ABCC12: variants seen among roughly 807,000 people sequenced by gnomAD.
ABCC12 encodes the protein ATP-binding cassette sub-family C member 12.
A neutral mutation model predicts 151.1 loss-of-function variants in ABCC12; 142 were observed. The ratio of observed to expected loss-of-function variants is 0.94; its 90% CI spans 0.82 to 1.08. ABCC12 has a LOEUF of 1.08. ABCC12 is among the 50% of genes least tolerant of loss of function. ABCC12 has a pLI of 0.00. For synonymous variants in ABCC12, 645 were observed against 646.4 expected (o/e 1.00, Z 0.03); for missense variants, 1,638 against 1,691.1 (o/e 0.97, Z 0.55).
chr16:48,087,908 A>G lies in ABCC12; in HGVS notation c.3635+18T>C, dbSNP rs765795945. 27 of 1,601,990 alleles carry G rather than the reference A, an allele frequency of 1.7e-5. No individual in the cohort carries two copies. The highest frequency in any genetic ancestry group is 1.7e-4 in the Middle Eastern group (1 of 6,016). ...CACTCTCCAAAAATAGAAATGCACAATGATTAAAAACAGCTACCTTACTGT... is the reference window on the plus strand; with the variant it reads ...CACTCTCCAAAAATAGAAATGCACAGTGATTAAAAACAGCTACCTTACTGT... On this transcript the variant is annotated intron_variant, in intron 27 of 30. Transcript: ENST00000311303.
At chr16:48,088,205 T>A in intron 26 of ABCC12, 120 bp from the exon 27 acceptor site, 1 of 1,230,510 alleles carries the variant, frequency 8.1e-7, no homozygotes, top group Non-Finnish European at 1.1e-6. Flanking sequence ...GATGACAGTG[T>A]AGACAGAAAG....
In ABCC12 at chr16:48,094,949, C is replaced by T. The variant is rs537350278; in HGVS notation, c.3195+1797G>A. Among the ~76,000 whole-genome samples, 4 of 151,970 alleles carry T rather than the reference C, an allele frequency of 2.6e-5. No homozygotes were observed. The South Asian group carries it at 8.3e-4, about 32-fold the overall frequency. On this transcript the variant is annotated intron_variant, in intron 24 of 30. Coordinates refer to ENST00000311303, the MANE Select transcript of ABCC12 (RefSeq NM_001393797.1). Reference sequence around the variant, plus strand: ...ACTAATGGGTCAGGAGACAGATGGACAAAACCAATGGCATGAAAGAGCAAG... The same window carrying T: ...ACTAATGGGTCAGGAGACAGATGGATAAAACCAATGGCATGAAAGAGCAAG...
chr16:48,101,672 A>G lies in ABCC12; in HGVS notation c.2901-663T>C, dbSNP rs528555002. Among the ~76,000 whole-genome samples the G allele has an allele frequency of 3.9e-3, 586 of 152,176 alleles. 6 individuals are homozygous for G. The highest frequency in any genetic ancestry group is 6.2e-3 in the Non-Finnish European group (419 of 68,002). The stretch of plus-strand genomic sequence containing the variant: ...AGGGAAGTCTCATTAGTGCAGAGCT[A>G]AAGTGAGTTGTTTGGAAACACTTGG... On this transcript the variant is annotated intron_variant, in intron 22 of 30. Coordinates refer to ENST00000311303, the MANE Select transcript of ABCC12 (RefSeq NM_001393797.1).
At chr16:48,103,462 C>T (rs753703002) in intron 22 of ABCC12, among the ~76,000 whole-genome samples, 2 of 151,992 alleles carry the variant, frequency 1.3e-5, no homozygotes, top group Non-Finnish European at 2.9e-5. Context: ...CACAAGCCCT[C>T]TGAAACAGGT....
At chr16:48,121,910 C>T in intron 12 of ABCC12, 70 bp from the exon 13 acceptor site, 1 of 1,598,540 alleles carries the variant, frequency 6.3e-7, no homozygotes, top group Non-Finnish European at 8.5e-7. Flanking sequence ...GCCCATTGCA[C>T]CCTGGCACCC....
chr16:48,137,238 G>A (rs530911549), intron 8 of ABCC12, among the ~76,000 whole-genome samples: 1 of 152,076 alleles, frequency 6.6e-6, no homozygotes, highest in African/African-American at 2.4e-5. Context: ...ACAAACTCGT[G>A]GCTATTTTTG....
chr16:48,104,892 C>T (rs1597308096), intron 21 of ABCC12, among the ~76,000 whole-genome samples: 1 of 152,202 alleles, frequency 6.6e-6, no homozygotes, highest in African/African-American at 2.4e-5. Context: ...CGCATCTCTG[C>T]GGCGGAGTGG....
chr16:48,145,672 T>C (rs1567458898), intron 3 of ABCC12, among the ~76,000 whole-genome samples: 1 of 152,230 alleles, frequency 6.6e-6, no homozygotes, highest in South Asian at 2.1e-4. Flanking sequence ...CACATTACTG[T>C]GTGACCGAGC....
intron 18 of ABCC12, among the ~76,000 whole-genome samples, chr16:48,109,775 G>C (rs577841786): frequency 2.8e-4 from 43 of 152,376 alleles, no homozygotes; most frequent in African/African-American, 1.0e-3. Context: ...AAAGGGACTG[G>C]TCACATTCCC....
intron 6 of ABCC12, 123 bp downstream of exon 6, chr16:48,140,564 A>G: frequency 1.1e-6 from 1 of 917,386 alleles, no homozygotes; most frequent in Non-Finnish European, 1.7e-6. Context: ...GAGATGGGAC[A>G]TGATGGGCAG....
At chr16:48,126,354 C>A (rs1964238326) in intron 11 of ABCC12, among the ~76,000 whole-genome samples, 1 of 152,122 alleles carries the variant, frequency 6.6e-6, no homozygotes, top group South Asian at 2.1e-4. Context: ...ATTCTCCCAA[C>A]AAACACTGCT....
At chr16:48,084,368 GCA>G in intron 29 of ABCC12, among the ~76,000 whole-genome samples, 1 of 152,332 alleles carries the variant, frequency 6.6e-6, no homozygotes, top group Admixed American at 6.5e-5. Flanking sequence ...GAGACAGGCT[GCA>G]CAGGCTTTAT....
chr16:48,115,655 C>G, intron 14 of ABCC12, 37 bp from the exon 15 acceptor site: 1 of 1,582,270 alleles, frequency 6.3e-7, no homozygotes, highest in Non-Finnish European at 8.6e-7. Flanking sequence ...CATTGTCAGC[C>G]CACCCTGAAG....
At chr16:48,098,932 T>C (rs908964196) in intron 23 of ABCC12, among the ~76,000 whole-genome samples, 1 of 152,186 alleles carries the variant, frequency 6.6e-6, no homozygotes, top group Non-Finnish European at 1.5e-5. Context: ...CTCCATGGGC[T>C]TTCCTCATGG....
At chr16:48,126,382 G>T (rs1046152003) in intron 11 of ABCC12, among the ~76,000 whole-genome samples, 2 of 152,142 alleles carry the variant, frequency 1.3e-5, no homozygotes, top group Non-Finnish European at 2.9e-5. Context: ...TCCAAGCCAG[G>T]AGCTGGGCTT....
chr16:48,109,156 C>T (rs143341419), intron 18 of ABCC12, among the ~76,000 whole-genome samples: 67 of 152,244 alleles, frequency 4.4e-4, no homozygotes, highest in African/African-American at 1.6e-3. Flanking sequence ...GGGGGCTGGG[C>T]ATGCTGAAGT....
intron 6 of ABCC12, among the ~76,000 whole-genome samples, chr16:48,140,064 A>G (rs1042091927): frequency 6.6e-6 from 1 of 152,212 alleles, no homozygotes; most frequent in Non-Finnish European, 1.5e-5. Flanking sequence ...GGTTTGCTAT[A>G]TGCAACTGAA....
At chr16:48,145,427 A>C (rs1006169846) in intron 3 of ABCC12, among the ~76,000 whole-genome samples, 10 of 152,244 alleles carry the variant, frequency 6.6e-5, no homozygotes, top group African/African-American at 2.4e-4. Flanking sequence ...CTGAGTTTCT[A>C]TCCTGGATTT....
intron 23 of ABCC12, among the ~76,000 whole-genome samples, chr16:48,099,129 T>C (rs1200675937): frequency 6.6e-6 from 1 of 152,126 alleles, no homozygotes; most frequent in African/African-American, 2.4e-5. Context: ...CTAAATTTAA[T>C]GCAATTCCAG....
Sources: gnomAD v4.1 joint callset for allele counts (sites outside exome capture counted in the v4.1 genomes callset) on GRCh38, gnomAD v4.1.1 for gene constraint, MANE v1.5 for transcripts, NCBI Gene and HGNC (gene_info 2026-07-23, HGNC 2026-07-21) for gene names.